Variants in RBFOX3 observed in about 807,000 individuals in gnomAD.
The protein encoded by RBFOX3 is RNA binding protein fox-1 homolog 3.
Under a neutral mutation model 48.7 loss-of-function variants are expected in RBFOX3, and 17 were observed. The ratio of observed to expected loss-of-function variants is 0.35; its 90% CI spans 0.24 to 0.52. The LOEUF (loss-of-function observed/expected upper bound fraction) is 0.52, where lower values mean the gene tolerates loss of function less well. Ranked by LOEUF, RBFOX3 falls within the 20% of genes least tolerant of loss-of-function variation. The pLI is 0.94. For missense variants in RBFOX3, 382 were observed against 497.5 expected (o/e 0.77, Z 2.21); for synonymous variants, 212 against 209.5 (o/e 1.01, Z -0.10).
intron 2 of RBFOX3, among the ~76,000 whole-genome samples, chr17:79,382,661 G>A (rs114010623): frequency 2.6e-5 from 4 of 152,304 alleles, no homozygotes; most frequent in Admixed American, 6.5e-5. Context: ...ACACTCACGC[G>A]CATTTCCAAG....
intron 4 of RBFOX3, among the ~76,000 whole-genome samples, chr17:79,179,174 C>T (rs549993467): frequency 6.6e-6 from 1 of 152,318 alleles, no homozygotes; most frequent in South Asian, 2.1e-4. Flanking sequence ...TTAGCAGCCT[C>T]GCTACCTTAG....
chr17:79,548,459 G>C (rs907186059), intron 1 of RBFOX3, among the ~76,000 whole-genome samples: 6 of 152,242 alleles, frequency 3.9e-5, no homozygotes, highest in Non-Finnish European at 7.3e-5. Context: ...CAGCCCCGTG[G>C]CACGGCTGCC....
At chr17:79,356,555 G>A (rs544239561) in intron 2 of RBFOX3, among the ~76,000 whole-genome samples, 16 of 151,482 alleles carry the variant, frequency 1.1e-4, no homozygotes, top group African/African-American at 3.6e-4. Context: ...TTTTATTAGA[G>A]GCAGGGTTTC....
the RBFOX3 span, among the ~76,000 whole-genome samples, chr17:79,620,256 C>A: frequency 6.6e-6 from 1 of 150,444 alleles, no homozygotes; most frequent in South Asian, 2.1e-4. Context: ...TACGCACATG[C>A]ACACACACGT....
chr17:79,164,375 A>T lies in RBFOX3; in HGVS notation c.-33-48627T>A, dbSNP rs536429718. Among the ~76,000 whole-genome samples, 3 of 151,992 alleles carry T rather than the reference A, an allele frequency of 2.0e-5. No homozygotes were observed. The East Asian group carries it at 5.8e-4, about 29-fold the overall frequency. On this transcript the variant is annotated intron_variant, in intron 4 of 14. Coordinates refer to ENST00000693108, the MANE Select transcript of RBFOX3 (RefSeq NM_001350451.2). The stretch of plus-strand genomic sequence containing the variant: ...GGGGTCATCCCACTTAACCCTGAAG[A>T]CCCCCAAGATACAGGTGCTGGACTG...
intron 4 of RBFOX3, among the ~76,000 whole-genome samples, chr17:79,160,289 G>C (rs1366341244): frequency 6.6e-6 from 1 of 152,248 alleles, no homozygotes; most frequent in African/African-American, 2.4e-5. Flanking sequence ...GCACCCAAGG[G>C]GTGGACCTGG....
intron 3 of RBFOX3, among the ~76,000 whole-genome samples, chr17:79,253,700 C>T (rs114400588): frequency 1.8e-4 from 28 of 152,240 alleles, no homozygotes; most frequent in Admixed American, 3.9e-4. Context: ...AGTCTGTCTG[C>T]GGTTAGGGTG....
upstream of RBFOX3, among the ~76,000 whole-genome samples, chr17:79,615,946 C>A (rs1351356789): frequency 6.6e-6 from 1 of 152,184 alleles, no homozygotes; most frequent in Non-Finnish European, 1.5e-5. Flanking sequence ...GGGTAGCAGA[C>A]CCAAATCATC....
chr17:79,549,416 C>G (rs549595194), intron 1 of RBFOX3, among the ~76,000 whole-genome samples: 1 of 152,348 alleles, frequency 6.6e-6, no homozygotes, highest in South Asian at 2.1e-4. Context: ...GGATGCAGCT[C>G]CATAGTAATT....
At chr17:79,155,367 C>T (rs2045543114) in intron 4 of RBFOX3, among the ~76,000 whole-genome samples, 1 of 152,216 alleles carries the variant, frequency 6.6e-6, no homozygotes, top group South Asian at 2.1e-4. Context: ...TGGAGCTGGG[C>T]ACTGCCCGCT....
intron 3 of RBFOX3, among the ~76,000 whole-genome samples, chr17:79,303,379 G>A (rs909833423): frequency 3.3e-5 from 5 of 151,864 alleles, no homozygotes; most frequent in African/African-American, 1.2e-4. Context: ...GAGTGGTCTT[G>A]GGGAAGTGGG....
Position 79,090,210 on chromosome 17 carries a change from A to C in RBFOX3, c.*673T>G, listed in dbSNP as rs541778883. 6.6e-6 allele frequency: 1 copy of C among 152,304 alleles called. No individual in the cohort carries two copies. Among genetic ancestry groups the C allele is most frequent in the South Asian group, 2.1e-4 (1 of 4,830 alleles). 9.4% of individuals were successfully genotyped at this position (152,304 alleles called of 1,614,324 possible). A position where few individuals can be genotyped will look rare whatever the true frequency, so the allele number is the denominator to read the frequency against. On this transcript the variant is annotated 3_prime_UTR_variant, in exon 15 of 15. Transcript: ENST00000693108. ...TTCGTCCTCCCATGGAGCGCCCCTGAGTCCTGGAGCCACGTCAGCCCTTTC... is the reference window on the plus strand; with the variant it reads ...TTCGTCCTCCCATGGAGCGCCCCTGCGTCCTGGAGCCACGTCAGCCCTTTC...
At chr17:79,568,382 CA>C (rs2144457988) in intron 1 of RBFOX3, among the ~76,000 whole-genome samples, 1 of 152,286 alleles carries the variant, frequency 6.6e-6, no homozygotes, top group East Asian at 1.9e-4. Flanking sequence ...ATGCTCAAAG[CA>C]AATGCTCACT....
rs1299403928 is a variant in RBFOX3 at position 79,207,993 on chromosome 17, G to A, written c.-34+27773C>T. Among the ~76,000 whole-genome samples, 7 of 152,266 alleles carry A rather than the reference G, an allele frequency of 4.6e-5. No individual in the cohort carries two copies. The East Asian group carries it at 7.7e-4, about 17-fold the overall frequency. On this transcript the variant is annotated intron_variant, in intron 4 of 14. Transcript: ENST00000693108. The stretch of plus-strand genomic sequence containing the variant: ...GACCGCGGGAGCCTCGGCAAGCCTC[G>A]GCTGGGCTGGGTGAAAGGTGGCCCT...
intron 1 of RBFOX3, among the ~76,000 whole-genome samples, chr17:79,490,720 T>TAG (rs59694667): frequency 0.64 from 91,889 of 144,144 alleles, 31,245 homozygotes; most frequent in Non-Finnish European, 0.77. Flanking sequence ...GCCTGCAGTG[T>TAG]AGAGAGAGAG....
chr17:79,279,939 G>A (rs554768854), intron 3 of RBFOX3, among the ~76,000 whole-genome samples: 23 of 152,340 alleles, frequency 1.5e-4, no homozygotes, highest in African/African-American at 5.3e-4. Flanking sequence ...GGCACCGCGT[G>A]TCTGTGTGTG....
chr17:79,365,882 C>T (rs117888417), intron 2 of RBFOX3, among the ~76,000 whole-genome samples: 1,576 of 152,356 alleles, frequency 0.01, 24 homozygotes, highest in Non-Finnish European at 0.012. Context: ...GGCCACACCT[C>T]TGGGTGCCCG....
intron 2 of RBFOX3, among the ~76,000 whole-genome samples, chr17:79,393,443 G>C (rs538215611): frequency 2.4e-4 from 37 of 152,380 alleles, no homozygotes; most frequent in Non-Finnish European, 4.1e-4. Context: ...CTCTCCGTTC[G>C]TGTGGTCCCT....
the RBFOX3 span, among the ~76,000 whole-genome samples, chr17:79,620,531 GCACATGCACACA>G: frequency 4.3e-5 from 6 of 138,564 alleles, no homozygotes; most frequent in South Asian, 9.4e-4. Flanking sequence ...ATGCATACGC[GCACATGCACACA>G]CGCATGCACA....
Sources: gnomAD v4.1 joint callset for allele counts (sites outside exome capture counted in the v4.1 genomes callset) on GRCh38, gnomAD v4.1.1 for gene constraint, MANE v1.5 for transcripts, NCBI Gene and HGNC (gene_info 2026-07-23, HGNC 2026-07-21) for gene names.